The following ZNF292 variants were observed in gnomAD, a reference collection of about 807,000 sequenced individuals.
ZNF292 encodes the protein 16 zinc-finger domain protein.
ZNF292 carries 26 observed loss-of-function variants against 217.9 expected under a neutral mutation model. That is an observed-to-expected ratio of 0.12 (90% CI 0.09 to 0.17). The LOEUF is 0.17. Ranked by LOEUF, ZNF292 falls within the 10% of genes least tolerant of loss-of-function variation. The pLI is 1.00. For synonymous variants in ZNF292, 1,257 were observed against 1,124.1 expected (o/e 1.12, Z -2.37); for missense variants, 2,904 against 3,175.2 (o/e 0.91, Z 2.05).
intron 1 of ZNF292, among the ~76,000 whole-genome samples, chr6:87,196,753 C>G (rs563966284): frequency 1.6e-4 from 25 of 152,298 alleles, no homozygotes; most frequent in Admixed American, 1.6e-3. Flanking sequence ...GTTCATGACA[C>G]ACACACAAAA....
chr6:87,159,437 A>G (rs373901397), intron 1 of ZNF292, among the ~76,000 whole-genome samples: 1 of 150,110 alleles, frequency 6.7e-6, no homozygotes, highest in East Asian at 1.9e-4. Context: ...ATCATAGCAC[A>G]CTACAACCTC....
chr6:87,197,598 C>T (rs1464846992), intron 1 of ZNF292, among the ~76,000 whole-genome samples: 1 of 128,108 alleles, frequency 7.8e-6, no homozygotes, highest in Non-Finnish European at 1.6e-5. Flanking sequence ...TTAGCTGAGC[C>T]TGGTGGCAGA....
At chr6:87,205,266 G>A (rs1562138826) in intron 1 of ZNF292, among the ~76,000 whole-genome samples, 2 of 151,988 alleles carry the variant, frequency 1.3e-5, no homozygotes, top group Non-Finnish European at 2.9e-5. Context: ...TAGAGATGAG[G>A]TCTTGCTATG....
intron 1 of ZNF292, among the ~76,000 whole-genome samples, chr6:87,204,821 C>G (rs1452921722): frequency 6.6e-6 from 1 of 152,034 alleles, no homozygotes; most frequent in East Asian, 1.9e-4. Flanking sequence ...GCCTCAGCCT[C>G]GCAAAGTGCT....
At position 87,231,981 on chromosome 6, in the gene ZNF292, C is replaced by CAT. The variant is rs201660112; in HGVS notation, c.539-1344_539-1343insAT. Reference sequence around the variant, plus strand: ...TAAACTGTAACTGCATTGTAATTGTCCTAATAGGATAATGCAATATTAAAA... The same window carrying CAT: ...TAAACTGTAACTGCATTGTAATTGTCATCTAATAGGATAATGCAATATTAAAA... On this transcript the variant is annotated intron_variant, in intron 4 of 7. Coordinates refer to ENST00000369577, the MANE Select transcript of ZNF292 (RefSeq NM_015021.3). Among the ~76,000 whole-genome samples, 512 of 152,176 alleles carry CAT rather than the reference C, an allele frequency of 3.4e-3. 1 individual carries two copies. Among genetic ancestry groups the CAT allele is most frequent in the African/African-American group, 0.012 (491 of 41,536 alleles).
At chr6:87,227,941 G>A (rs747656088) in intron 4 of ZNF292, among the ~76,000 whole-genome samples, 1 of 152,134 alleles carries the variant, frequency 6.6e-6, no homozygotes, top group Non-Finnish European at 1.5e-5. Flanking sequence ...CCTGCTTTCA[G>A]TTCTTCTGGG....
At chr6:87,180,902 G>A (rs1771451901) in intron 1 of ZNF292, among the ~76,000 whole-genome samples, 1 of 152,144 alleles carries the variant, frequency 6.6e-6, no homozygotes, top group African/African-American at 2.4e-5. Context: ...AGAGTTCCCT[G>A]ATTCCCCTTG....
intron 1 of ZNF292, chr6:87,215,179 T>C (rs1388152208): frequency 6.6e-6 from 1 of 152,140 alleles, no homozygotes; most frequent in East Asian, 1.9e-4. Flanking sequence ...GTATAACTTA[T>C]CTTTCCATTA....
chr6:87,166,482 C>T (rs557637999), intron 1 of ZNF292, among the ~76,000 whole-genome samples: 1 of 152,286 alleles, frequency 6.6e-6, no homozygotes, highest in Admixed American at 6.5e-5. Context: ...CTGGTGAAGG[C>T]TCCCAGCACA....
chr6:87,184,224 T>C (rs1771564596), intron 1 of ZNF292, among the ~76,000 whole-genome samples: 1 of 152,260 alleles, frequency 6.6e-6, no homozygotes, highest in Non-Finnish European at 1.5e-5. Context: ...GCAGAAGTAA[T>C]ACATGATTGA....
At chr6:87,160,071 A>G (rs1026088521) in intron 1 of ZNF292, among the ~76,000 whole-genome samples, 3 of 152,190 alleles carry the variant, frequency 2.0e-5, no homozygotes, top group Non-Finnish European at 4.4e-5. Context: ...TTTCTATTGA[A>G]CATCTACTGT....
Position 87,260,771 on chromosome 6 carries a change from G to C in ZNF292, c.7142G>C (p.Arg2381Thr). 1 of 1,613,410 alleles carries C rather than the reference G, an allele frequency of 6.2e-7. No individual in the cohort carries two copies. Among genetic ancestry groups the C allele is most frequent in the African/African-American group, 1.3e-5 (1 of 75,026 alleles). ...RNDALSECTS[R>T]FVTQYPCMIK... Reference sequence around the variant, plus strand: ...GATGCCCTGTCTGAGTGTACAAGCAGATTTGTAACCCAGTATCCATGTATG... The same window carrying C: ...GATGCCCTGTCTGAGTGTACAAGCACATTTGTAACCCAGTATCCATGTATG... The change falls in exon 8 of 8, where the codon AGA (arginine) becomes ACA (threonine). Residue 2381 changes from arginine (R) to threonine (T), a missense_variant. By Grantham distance (71) the Arg-to-Thr change is moderately conservative. This residue lies in a region of ZNF292 where 27 missense variants were observed against 52.3 expected (regional missense o/e 0.52). Coordinates refer to ENST00000369577, the MANE Select transcript of ZNF292 (RefSeq NM_015021.3).
chr6:87,265,199 C>G lies in ZNF292; in HGVS notation c.*3398C>G, dbSNP rs1775772066. Reference sequence around the variant, plus strand: ...GCACGATCTCGGCTTACTGCAACTTCTGCCTCCCAAGTTCAAGTGATTCTC... The same window carrying G: ...GCACGATCTCGGCTTACTGCAACTTGTGCCTCCCAAGTTCAAGTGATTCTC... On this transcript the variant is annotated 3_prime_UTR_variant, in exon 8 of 8. Transcript: ENST00000369577. Among the ~76,000 whole-genome samples the G allele has an allele frequency of 6.6e-6, 1 of 152,020 alleles. No individual in the cohort carries two copies. Among genetic ancestry groups the G allele is most frequent in the South Asian group, 2.1e-4 (1 of 4,816 alleles).
Position 87,260,907 on chromosome 6 carries a change from A to G in ZNF292, c.7278A>G (p.Val2426=). ...CACAACACCGAAATCTTCTTATTGT[A>G]TTCAAACGGTGTTGCAACTCACAAG... ...FTSQHRNLLI[V]FKRCCNSQVK... The change falls in exon 8 of 8, where the codon GTA becomes GTG. Residue 2426 remains valine, a synonymous_variant. Coordinates refer to ENST00000369577, the MANE Select transcript of ZNF292 (RefSeq NM_015021.3). 6.2e-7 allele frequency: 1 copy of G among 1,610,840 alleles called. No homozygotes were observed. Among genetic ancestry groups the G allele is most frequent in the East Asian group, 2.2e-5 (1 of 44,796 alleles).
At chr6:87,189,003 G>C (rs1356393386) in intron 1 of ZNF292, among the ~76,000 whole-genome samples, 2 of 152,068 alleles carry the variant, frequency 1.3e-5, no homozygotes, top group African/African-American at 4.8e-5. Flanking sequence ...TCAGGAATTA[G>C]GGACCAGCCT....
At chr6:87,223,852 A>G (rs1276278484) in intron 4 of ZNF292, 2 of 152,176 alleles carry the variant, frequency 1.3e-5, no homozygotes, top group Admixed American at 6.5e-5. Flanking sequence ...CCTGGAATCA[A>G]CCGTTTCTCT....
chr6:87,167,286 C>T (rs1167928226), intron 1 of ZNF292, among the ~76,000 whole-genome samples: 1 of 152,148 alleles, frequency 6.6e-6, no homozygotes, highest in Non-Finnish European at 1.5e-5. Flanking sequence ...TGAAGGCAAT[C>T]CTGAAATCTT....
Position 87,256,735 on chromosome 6 carries a change from C to G in ZNF292, c.3106C>G (p.Gln1036Glu). 1 of 1,612,644 alleles carries G rather than the reference C, an allele frequency of 6.2e-7. No homozygotes were observed. ...CTTGATGACCTTTTCTGTGCAAAAT[C>G]AGGCAGCATTTCAAAACAATTTACC... Reference protein sequence around the residue: ...NNLMTFSVQNQAAFQNNLPTS... With the variant: ...NNLMTFSVQNEAAFQNNLPTS... Residue 1036 changes from glutamine (Q) to glutamate (E), a missense_variant, in exon 8 of 8, where the codon CAG becomes GAG. Coordinates refer to ENST00000369577, the MANE Select transcript of ZNF292 (RefSeq NM_015021.3).
At chr6:87,157,512 C>A (rs1770583827) in intron 1 of ZNF292, among the ~76,000 whole-genome samples, 1 of 152,098 alleles carries the variant, frequency 6.6e-6, no homozygotes, top group South Asian at 2.1e-4. Flanking sequence ...AAGACATTTT[C>A]CCCTAATAGT....
Sources: gnomAD v4.1 joint callset for allele counts (sites outside exome capture counted in the v4.1 genomes callset) on GRCh38, gnomAD v4.1.1 for gene constraint, gnomAD v4.1.1 regional missense constraint, MANE v1.5 for transcripts, NCBI Gene and HGNC (gene_info 2026-07-23, HGNC 2026-07-21) for gene names.